Variants in CACNB4 observed in about 807,000 individuals in gnomAD.
CACNB4 encodes the protein voltage-dependent L-type calcium channel subunit beta-4.
A neutral mutation model predicts 71.2 loss-of-function variants in CACNB4; 32 were observed. That is an observed-to-expected ratio of 0.45 (90% CI 0.34 to 0.60). The LOEUF is 0.60. CACNB4 is among the 20% of genes least tolerant of loss of function. CACNB4 has a pLI of 0.01. For synonymous variants in CACNB4, 231 were observed against 236.9 expected (o/e 0.97, Z 0.23); for missense variants, 464 against 647.9 (o/e 0.72, Z 3.08).
intron 2 of CACNB4, among the ~76,000 whole-genome samples, chr2:151,893,352 G>A (rs1397232456): frequency 6.6e-6 from 1 of 151,944 alleles, no homozygotes; most frequent in Admixed American, 6.6e-5. Context: ...AGCAATTCTC[G>A]TGCCTCAGCC....
chr2:152,000,113 C>A (rs916132483), intron 2 of CACNB4, among the ~76,000 whole-genome samples: 4 of 152,224 alleles, frequency 2.6e-5, no homozygotes, highest in African/African-American at 7.2e-5. Flanking sequence ...GAATTTTCAA[C>A]AATGATGCTC....
chr2:151,887,960 A>T (rs1358488670), intron 2 of CACNB4, among the ~76,000 whole-genome samples: 1 of 151,804 alleles, frequency 6.6e-6, no homozygotes, highest in African/African-American at 2.4e-5. Flanking sequence ...TTTTAAAAAA[A>T]TGGCTTTATT....
At chr2:152,030,475 T>G (rs1684225718) in intron 2 of CACNB4, among the ~76,000 whole-genome samples, 1 of 152,280 alleles carries the variant, frequency 6.6e-6, no homozygotes, top group African/African-American at 2.4e-5. Flanking sequence ...TTATTTTTCT[T>G]ATACTTTAAG....
At chr2:151,869,392 A>G (rs896369244) in intron 8 of CACNB4, 157 bp from the exon 9 acceptor site, 1 of 565,240 alleles carries the variant, frequency 1.8e-6, no homozygotes, top group African/African-American at 1.9e-5. Context: ...GGTGTTTTTC[A>G]TGCTTAACCA....
At chr2:151,855,870 T>C (rs1163337251) in intron 10 of CACNB4, among the ~76,000 whole-genome samples, 3 of 152,182 alleles carry the variant, frequency 2.0e-5, no homozygotes, top group Admixed American at 1.3e-4. Context: ...TTGACTGATA[T>C]GCATATTTTT....
At chr2:151,980,572 T>C (rs1278728299) in intron 2 of CACNB4, among the ~76,000 whole-genome samples, 2 of 152,250 alleles carry the variant, frequency 1.3e-5, no homozygotes, top group East Asian at 1.9e-4. Flanking sequence ...GCCTAGCACA[T>C]AGGCTTTCCA....
At chr2:152,099,134 G>GGCGCCC, upstream of CACNB4, 2 of 568,874 alleles carry the variant, frequency 3.5e-6, no homozygotes, top group East Asian at 3.5e-5. Context: ...GACCCGCGCC[G>GGCGCCC]GCGCCCAGGC....
intron 9 of CACNB4, chr2:151,861,061 T>A: frequency 2.0e-6 from 1 of 497,042 alleles, no homozygotes; most frequent in Non-Finnish European, 3.5e-6. Context: ...AAAATGTTCT[T>A]CCTCCATTAT....
At chr2:152,074,178 A>G (rs1686863776) in intron 2 of CACNB4, among the ~76,000 whole-genome samples, 1 of 151,984 alleles carries the variant, frequency 6.6e-6, no homozygotes, top group Non-Finnish European at 1.5e-5. Context: ...AACCCAGGGT[A>G]AGAACCACCA....
chr2:151,965,752 G>A (rs1196370322), intron 2 of CACNB4, among the ~76,000 whole-genome samples: 1 of 151,404 alleles, frequency 6.6e-6, no homozygotes, highest in African/African-American at 2.4e-5. Context: ...TTTTTTTAGA[G>A]ATGAGACTCA....
chr2:152,076,570 T>A (rs1229079209), intron 2 of CACNB4, among the ~76,000 whole-genome samples: 9 of 152,140 alleles, frequency 5.9e-5, no homozygotes. Context: ...CCAAATTACT[T>A]TCTGAGAAGA....
Position 151,998,092 on chromosome 2 carries a change from G to A in CACNB4, c.147+100238C>T, listed in dbSNP as rs190444317. On this transcript the variant is annotated intron_variant, in intron 2 of 13. Transcript: ENST00000539935. ...AATCCCAGCACTTTGGGAGGCCAAG[G>A]TGGGGGGATCGCCTGAGGTCAGGAG... 4.4e-3 allele frequency among the ~76,000 whole-genome samples: 671 copies of A among 152,230 alleles called. 4 individuals are homozygous for A. The highest frequency in any genetic ancestry group is 0.016 in the African/African-American group (646 of 41,534).
At chr2:151,875,294 G>T (rs1362645804) in intron 5 of CACNB4, among the ~76,000 whole-genome samples, 2 of 147,962 alleles carry the variant, frequency 1.4e-5, no homozygotes, top group Non-Finnish European at 3.0e-5. Context: ...ATGTTTCAGA[G>T]AGCACAGGGT....
intron 2 of CACNB4, among the ~76,000 whole-genome samples, chr2:151,884,824 T>C (rs1262323367): frequency 6.6e-6 from 1 of 152,164 alleles, no homozygotes; most frequent in Non-Finnish European, 1.5e-5. Flanking sequence ...GCATAGATGG[T>C]AACATTTACA....
At chr2:152,057,247 G>A (rs1027744488) in intron 2 of CACNB4, among the ~76,000 whole-genome samples, 4 of 152,080 alleles carry the variant, frequency 2.6e-5, no homozygotes, top group African/African-American at 7.2e-5. Flanking sequence ...CCATGCAAAT[G>A]AGCTGAGAAG....
At chr2:151,932,824 T>TAAAA (rs34714238) in intron 2 of CACNB4, among the ~76,000 whole-genome samples, 2 of 69,868 alleles carry the variant, frequency 2.9e-5, no homozygotes, top group African/African-American at 4.9e-5. Flanking sequence ...AGACTGGATC[T>TAAAA]AAAAAAAAAA....
At chr2:151,845,160 T>C (rs1486192693) in intron 12 of CACNB4, among the ~76,000 whole-genome samples, 1 of 152,226 alleles carries the variant, frequency 6.6e-6, no homozygotes, top group Non-Finnish European at 1.5e-5. Context: ...GCCATAAGTT[T>C]AATAAAGCAC....
chr2:152,075,572 T>C lies in CACNB4; in HGVS notation c.147+22758A>G, dbSNP rs541624168. On this transcript the variant is annotated intron_variant, in intron 2 of 13. Transcript: ENST00000539935. The stretch of plus-strand genomic sequence containing the variant: ...CAGCCAACCTGAAGGACACGGGCAG[T>C]GTGGACTCACTGTTGCTGGCTCTGC... Among the ~76,000 whole-genome samples the C allele has an allele frequency of 9.2e-5, 14 of 152,302 alleles. No individual in the cohort carries two copies. The South Asian group carries it at 2.9e-3, about 32-fold the overall frequency.
intron 2 of CACNB4, among the ~76,000 whole-genome samples, chr2:152,068,102 T>C (rs889919583): frequency 6.6e-6 from 1 of 152,064 alleles, no homozygotes; most frequent in African/African-American, 2.4e-5. Context: ...GAAGGCACAG[T>C]CTCAGTACGT....
Sources: gnomAD v4.1 joint callset for allele counts (sites outside exome capture counted in the v4.1 genomes callset) on GRCh38, gnomAD v4.1.1 for gene constraint, MANE v1.5 for transcripts, NCBI Gene and HGNC (gene_info 2026-07-23, HGNC 2026-07-21) for gene names.